The following LRP1B variants were observed in gnomAD, a reference collection of about 807,000 sequenced individuals.
LRP1B encodes the protein low-density lipoprotein receptor-related protein 1B.
Under a neutral mutation model 556.6 loss-of-function variants are expected in LRP1B, and 217 were observed. The ratio of observed to expected loss-of-function variants is 0.39; its 90% CI spans 0.35 to 0.44. The LOEUF (loss-of-function observed/expected upper bound fraction) is 0.44, where lower values mean the gene tolerates loss of function less well. Ranked by LOEUF, LRP1B falls within the 20% of genes least tolerant of loss-of-function variation. The pLI is 1.00. For missense variants in LRP1B, 5,053 were observed against 5,620.8 expected (o/e 0.90, Z 3.23); for synonymous variants, 2,047 against 1,865.8 (o/e 1.10, Z -2.50).
At chr2:141,343,770 C>A (rs1573833696) in intron 3 of LRP1B, among the ~76,000 whole-genome samples, 1 of 152,244 alleles carries the variant, frequency 6.6e-6, no homozygotes, top group East Asian at 1.9e-4. Context: ...TTTTACCTAG[C>A]CTTGTATAGT....
intron 66 of LRP1B, among the ~76,000 whole-genome samples, chr2:140,412,646 A>G (rs76131682): frequency 6.6e-6 from 1 of 152,078 alleles, no homozygotes; most frequent in African/African-American, 2.4e-5. Context: ...GTAATTGTAC[A>G]TAATTCTCTC....
intron 3 of LRP1B, among the ~76,000 whole-genome samples, chr2:141,398,724 A>T (rs1690337964): frequency 6.6e-6 from 1 of 152,192 alleles, no homozygotes; most frequent in Non-Finnish European, 1.5e-5. Context: ...TCCCGCTATT[A>T]GGCAGAAACC....
intron 3 of LRP1B, among the ~76,000 whole-genome samples, chr2:141,420,667 G>A (rs576478484): frequency 1.1e-4 from 16 of 152,092 alleles, no homozygotes; most frequent in Non-Finnish European, 1.9e-4. Context: ...TAAGAAGATA[G>A]AACATTACAT....
chr2:140,431,074 T>G (rs918186850), intron 66 of LRP1B, among the ~76,000 whole-genome samples: 5 of 152,218 alleles, frequency 3.3e-5, no homozygotes, highest in African/African-American at 1.2e-4. Context: ...CGGTTTAGCC[T>G]TCCCACCTCT....
In LRP1B at chr2:140,813,799, C is replaced by T. The variant is rs369219021; in HGVS notation, c.5217G>A (p.Ser1739=). The T allele has an allele frequency of 1.1e-4, 182 of 1,601,948 alleles. 2 individuals are homozygous for T. The South Asian group carries it at 1.6e-3, about 14-fold the overall frequency. ...AAAGCTTGTTTTCCACATAGTCTAT[C>T]GATAGACCTGTAATTAAATTTTACA... ...FQNQKEPVGL[S]IDYVENKLYW... Residue 1739 remains serine, a synonymous_variant, in exon 32 of 91, where the codon TCG becomes TCA. Transcript: ENST00000389484.
intron 3 of LRP1B, among the ~76,000 whole-genome samples, chr2:141,290,406 G>A (rs1171413041): frequency 6.6e-6 from 1 of 151,850 alleles, no homozygotes; most frequent in Non-Finnish European, 1.5e-5. Flanking sequence ...TTTAATATTG[G>A]GTTGTTTATA....
At chr2:141,269,394 T>C (rs1348354903) in intron 3 of LRP1B, among the ~76,000 whole-genome samples, 2 of 152,174 alleles carry the variant, frequency 1.3e-5, no homozygotes, top group Admixed American at 6.5e-5. Flanking sequence ...AAAAGCATTT[T>C]TTTAAACTAA....
chr2:142,102,674 A>C (rs1014233764), intron 1 of LRP1B, among the ~76,000 whole-genome samples: 1 of 151,884 alleles, frequency 6.6e-6, no homozygotes, highest in Non-Finnish European at 1.5e-5. Context: ...GTGCCACAAA[A>C]TTGGGTCATG....
At chr2:140,836,663 G>A (rs183006034) in intron 31 of LRP1B, among the ~76,000 whole-genome samples, 3 of 152,264 alleles carry the variant, frequency 2.0e-5, no homozygotes, top group Non-Finnish European at 4.4e-5. Flanking sequence ...CTTCTTGTGG[G>A]TGTCTAAAAT....
intron 2 of LRP1B, among the ~76,000 whole-genome samples, chr2:141,634,580 T>G (rs187778976): frequency 2.5e-4 from 38 of 152,158 alleles, no homozygotes; most frequent in Admixed American, 5.2e-4. Context: ...ATGCTTCTCT[T>G]ATAAAATTTT....
chr2:141,297,636 C>T (rs1362733125), intron 3 of LRP1B, among the ~76,000 whole-genome samples: 3 of 152,064 alleles, frequency 2.0e-5, no homozygotes, highest in African/African-American at 7.2e-5. Flanking sequence ...TATATAAAAT[C>T]CTGACCTTTT....
intron 2 of LRP1B, among the ~76,000 whole-genome samples, chr2:141,630,241 A>C (rs2105348382): frequency 6.6e-6 from 1 of 152,322 alleles, no homozygotes; most frequent in Admixed American, 6.5e-5. Flanking sequence ...AGTGCCTACT[A>C]TATTGATTTC....
intron 2 of LRP1B, among the ~76,000 whole-genome samples, chr2:141,635,498 A>G (rs1468832813): frequency 6.6e-6 from 1 of 152,210 alleles, no homozygotes; most frequent in Non-Finnish European, 1.5e-5. Context: ...CTGTTCACTT[A>G]AAAATGTTTA....
intron 57 of LRP1B, among the ~76,000 whole-genome samples, chr2:140,490,128 T>G (rs1055754619): frequency 1.3e-5 from 2 of 152,070 alleles, no homozygotes; most frequent in East Asian, 3.9e-4. Flanking sequence ...CAGAATCCTA[T>G]TTGCTTCTTT....
chr2:141,746,749 A>G (rs983577743), intron 2 of LRP1B, among the ~76,000 whole-genome samples: 3 of 152,124 alleles, frequency 2.0e-5, no homozygotes, highest in African/African-American at 7.2e-5. Flanking sequence ...TTGAATTATA[A>G]CTTTAAAAAA....
At chr2:140,791,658 C>T (rs1280286593) in intron 32 of LRP1B, among the ~76,000 whole-genome samples, 1 of 152,088 alleles carries the variant, frequency 6.6e-6, no homozygotes, top group Non-Finnish European at 1.5e-5. Context: ...CTAGCCATTT[C>T]CAAAGGGGCC....
intron 3 of LRP1B, among the ~76,000 whole-genome samples, chr2:141,424,200 G>A (rs1680264669): frequency 2.0e-5 from 3 of 148,378 alleles, no homozygotes; most frequent in African/African-American, 7.5e-5. Context: ...CTCAACCTCT[G>A]CCTCTTGGGT....
rs116201733 is a variant in LRP1B at position 141,489,808 on chromosome 2, A to G, written c.206-9275T>C. Among the ~76,000 whole-genome samples, 153 of 152,328 alleles carry G rather than the reference A, an allele frequency of 1.0e-3. 2 individuals are homozygous for G. Among genetic ancestry groups the G allele is most frequent in the African/African-American group, 3.6e-3 (149 of 41,590 alleles). On this transcript the variant is annotated intron_variant, in intron 2 of 90. Coordinates refer to ENST00000389484, the MANE Select transcript of LRP1B (RefSeq NM_018557.3). ...TGAGTTTCAACTTCCAAGTAAAACA[A>G]TATTAATTGAATCATTTGTTAATCT...
intron 66 of LRP1B, among the ~76,000 whole-genome samples, chr2:140,412,542 A>C (rs535226551): frequency 1.3e-5 from 2 of 152,220 alleles, no homozygotes; most frequent in Admixed American, 1.3e-4. Flanking sequence ...ACTCACAGCC[A>C]TCAGAGAATA....
Sources: allele counts gnomAD v4.1 joint callset (sites outside exome capture counted in the v4.1 genomes callset), GRCh38; gene constraint gnomAD v4.1.1; transcripts MANE v1.5; gene names NCBI Gene and HGNC (gene_info 2026-07-23, HGNC 2026-07-21).